GPATCH2: variants seen among roughly 807,000 people sequenced by gnomAD.
The protein encoded by GPATCH2 is G-patch domain containing 2, also known as G patch domain-containing protein 2.
Under a neutral mutation model 58.0 loss-of-function variants are expected in GPATCH2, and 51 were observed. That is an observed-to-expected ratio of 0.88 (90% CI 0.70 to 1.11). The LOEUF (loss-of-function observed/expected upper bound fraction) is 1.11, where lower values mean the gene tolerates loss of function less well. Among genes scored for constraint, GPATCH2 ranks in the 50% most tolerant of loss-of-function variants. GPATCH2 has a pLI of 0.00. For missense variants in GPATCH2, 625 were observed against 652.2 expected (o/e 0.96, Z 0.45); for synonymous variants, 222 against 218.5 (o/e 1.02, Z -0.14).
At position 217,588,466 on chromosome 1, in the gene GPATCH2, A is replaced by C. The variant is rs373553728; in HGVS notation, c.1098+21855T>G. ...CTATCAGGATGATCTCTTCATTAGA[A>C]AGGTCGAAGTTTCTTTTTTATTATT... On this transcript the variant is annotated intron_variant, in intron 5 of 9. Transcript: ENST00000366935. Among the ~76,000 whole-genome samples the C allele has an allele frequency of 6.6e-4, 101 of 152,264 alleles. No individual in the cohort carries two copies. The South Asian group carries it at 0.021, about 31-fold the overall frequency.
At chr1:217,500,234 TGTTA>T (rs1662230091) in intron 6 of GPATCH2, among the ~76,000 whole-genome samples, 2 of 152,128 alleles carry the variant, frequency 1.3e-5, no homozygotes, top group African/African-American at 4.8e-5. Flanking sequence ...TTCTTATCAC[TGTTA>T]GTTTTCAAAT....
chr1:217,529,043 C>T (rs994306650), intron 5 of GPATCH2, among the ~76,000 whole-genome samples: 1 of 152,126 alleles, frequency 6.6e-6, no homozygotes, highest in Admixed American at 6.5e-5. Context: ...ATTGGACAGA[C>T]AGATGATGCA....
chr1:217,547,220 A>C (rs1665100056), intron 5 of GPATCH2, among the ~76,000 whole-genome samples: 1 of 152,014 alleles, frequency 6.6e-6, no homozygotes, highest in Non-Finnish European at 1.5e-5. Context: ...AAAATTAGCC[A>C]GGTGTGGTGG....
At chr1:217,504,280 A>T (rs1031789668) in intron 6 of GPATCH2, among the ~76,000 whole-genome samples, 1 of 152,174 alleles carries the variant, frequency 6.6e-6, no homozygotes, top group African/African-American at 2.4e-5. Context: ...TATAGGAATG[A>T]GAGGAGGCGA....
In GPATCH2 at chr1:217,472,065, C is replaced by T. The variant is rs145387792; in HGVS notation, c.1277+19615G>A. On this transcript the variant is annotated intron_variant, in intron 8 of 9. Coordinates refer to ENST00000366935, the MANE Select transcript of GPATCH2 (RefSeq NM_018040.5). The stretch of plus-strand genomic sequence containing the variant: ...AAAGGACAAAAATCATATAAGAAAA[C>T]ATGGCAAATTCAAACCCTCCTCCTT... Among the ~76,000 whole-genome samples the T allele has an allele frequency of 2.8e-3, 425 of 152,088 alleles. 3 individuals carry two copies. Among genetic ancestry groups the T allele is most frequent in the Middle Eastern group, 6.8e-3 (2 of 294 alleles).
At chr1:217,566,683 A>G (rs2102705483) in intron 5 of GPATCH2, among the ~76,000 whole-genome samples, 1 of 152,352 alleles carries the variant, frequency 6.6e-6, no homozygotes, top group Admixed American at 6.5e-5. Flanking sequence ...GGGAAAGATC[A>G]AGAAAGCATG....
chr1:217,471,616 T>C (rs1378174402), intron 8 of GPATCH2, among the ~76,000 whole-genome samples: 1 of 152,200 alleles, frequency 6.6e-6, no homozygotes, highest in Non-Finnish European at 1.5e-5. Flanking sequence ...TGTTCTGTAT[T>C]AATGTAAATA....
chr1:217,558,696 C>A (rs746882510), intron 5 of GPATCH2, among the ~76,000 whole-genome samples: 2 of 152,106 alleles, frequency 1.3e-5, no homozygotes, highest in Non-Finnish European at 2.9e-5. Flanking sequence ...CACCTGTAAT[C>A]CCAGCACTTT....
chr1:217,549,304 T>G (rs538587792), intron 5 of GPATCH2, among the ~76,000 whole-genome samples: 32 of 152,214 alleles, frequency 2.1e-4, no homozygotes, highest in African/African-American at 4.6e-4. Context: ...AATTATAAAC[T>G]TATATTTCTC....
At chr1:217,568,129 A>C (rs1410329999) in intron 5 of GPATCH2, among the ~76,000 whole-genome samples, 4 of 152,208 alleles carry the variant, frequency 2.6e-5, no homozygotes, top group African/African-American at 9.7e-5. Flanking sequence ...AAAACAAAAC[A>C]AAACAACAAC....
chr1:217,450,747 C>T (rs532300239), intron 8 of GPATCH2, among the ~76,000 whole-genome samples: 1 of 152,206 alleles, frequency 6.6e-6, no homozygotes, highest in East Asian at 1.9e-4. Context: ...CATTAACATG[C>T]ATGACTATAA....
chr1:217,552,386 G>A (rs948854522), intron 5 of GPATCH2, among the ~76,000 whole-genome samples: 1 of 152,032 alleles, frequency 6.6e-6, no homozygotes, highest in Non-Finnish European at 1.5e-5. Context: ...AATTTAATAA[G>A]TTACCTAGTT....
chr1:217,479,416 T>G (rs931657506), intron 8 of GPATCH2, among the ~76,000 whole-genome samples: 1 of 152,208 alleles, frequency 6.6e-6, no homozygotes, highest in Non-Finnish European at 1.5e-5. Flanking sequence ...GTTTTCTTTT[T>G]GCTTTATGCA....
At chr1:217,620,697 TA>T (rs1243509517) in intron 1 of GPATCH2, among the ~76,000 whole-genome samples, 198 bp from the exon 2 acceptor site, 1 of 152,228 alleles carries the variant, frequency 6.6e-6, no homozygotes, top group East Asian at 1.9e-4. Flanking sequence ...GTTCTTTTAT[TA>T]AACATAGGAA....
chr1:217,473,575 TAA>T (rs1660836233), intron 8 of GPATCH2, among the ~76,000 whole-genome samples: 1 of 151,736 alleles, frequency 6.6e-6, no homozygotes, highest in Non-Finnish European at 1.5e-5. Flanking sequence ...ATTAGATAGA[TAA>T]GAGGCAATAA....
At chr1:217,564,023 A>G (rs939028676) in intron 5 of GPATCH2, among the ~76,000 whole-genome samples, 3 of 134,788 alleles carry the variant, frequency 2.2e-5, no homozygotes, top group African/African-American at 8.0e-5. Flanking sequence ...CAGCCTGCGC[A>G]ACAACAGCAA....
At chr1:217,535,228 C>A (rs977019135) in intron 5 of GPATCH2, among the ~76,000 whole-genome samples, 1 of 152,092 alleles carries the variant, frequency 6.6e-6, no homozygotes, top group African/African-American at 2.4e-5. Context: ...TTGACTTAAG[C>A]GAAATAGAAA....
chr1:217,449,288 T>C lies in GPATCH2; in HGVS notation c.1327A>G (p.Arg443Gly). The C allele has an allele frequency of 6.2e-7, 1 of 1,610,660 alleles. No homozygotes were observed. The highest frequency in any genetic ancestry group is 8.5e-7 in the Non-Finnish European group (1 of 1,176,818). Residue 443 changes from arginine (R) to glycine (G), a missense_variant, in exon 9 of 10, where the codon AGA (arginine) becomes GGA (glycine). By Grantham distance (125) the Arg-to-Gly change is moderately radical. Transcript: ENST00000366935. ...CCAGGCAAAGGTGCAGCTTTTCTTC[T>C]CCGTTTGATATCTCCCGTGCATAAG... ...GSLCTGDIKR[R>G]RKAAPLPGPT...
chr1:217,532,378 T>G (rs1028229176), intron 5 of GPATCH2, among the ~76,000 whole-genome samples: 3 of 152,196 alleles, frequency 2.0e-5, no homozygotes, highest in African/African-American at 7.2e-5. Context: ...TAAGGCCACC[T>G]ACCTGACAAG....
Sources: gnomAD v4.1 joint callset for allele counts (sites outside exome capture counted in the v4.1 genomes callset) on GRCh38, gnomAD v4.1.1 for gene constraint, MANE v1.5 for transcripts, NCBI Gene and HGNC (gene_info 2026-07-23, HGNC 2026-07-21) for gene names.